The following MACROD2 variants were observed in gnomAD, a reference collection of about 807,000 sequenced individuals.
MACROD2 encodes the protein mono-ADP ribosylhydrolase 2, also known as ADP-ribose glycohydrolase MACROD2.
MACROD2 carries 36 observed loss-of-function variants against 70.4 expected under a neutral mutation model. The observed-to-expected ratio is 0.51, with a 90% CI of 0.39 to 0.68. The LOEUF (loss-of-function observed/expected upper bound fraction) is 0.68. MACROD2 is among the 30% of genes least tolerant of loss of function. The pLI is 0.00. For missense variants in MACROD2, 496 were observed against 538.4 expected, an observed-to-expected ratio of 0.92 and a Z score of 0.78; for synonymous variants, 172 against 178.8, an observed-to-expected ratio of 0.96 and a Z score of 0.30.
intron 5 of MACROD2, among the ~76,000 whole-genome samples, chr20:15,180,531 T>C (rs1889432397): frequency 6.6e-6 from 1 of 152,192 alleles, no homozygotes; most frequent in African/African-American, 2.4e-5. Flanking sequence ...CCTGGAGGAA[T>C]TTCTAGTTCA....
intron 5 of MACROD2, among the ~76,000 whole-genome samples, chr20:15,220,024 T>G (rs574858705): frequency 6.7e-6 from 1 of 148,486 alleles, no homozygotes; most frequent in South Asian, 2.1e-4. Flanking sequence ...AGTCTTTGGA[T>G]AGAATCTCAT....
chr20:15,712,983 C>T (rs762964635), intron 8 of MACROD2, among the ~76,000 whole-genome samples: 1 of 152,150 alleles, frequency 6.6e-6, no homozygotes, highest in Non-Finnish European at 1.5e-5. Context: ...TGGTATCTGG[C>T]CTCTACCTGG....
At chr20:15,570,498 C>A (rs1791902757) in intron 8 of MACROD2, among the ~76,000 whole-genome samples, 1 of 152,132 alleles carries the variant, frequency 6.6e-6, no homozygotes, top group African/African-American at 2.4e-5. Context: ...CCAATTCAAA[C>A]CAGCTCAAGC....
At chr20:14,292,720 C>T (rs1163471496) in intron 3 of MACROD2, among the ~76,000 whole-genome samples, 5 of 151,124 alleles carry the variant, frequency 3.3e-5, no homozygotes, top group South Asian at 4.2e-4. Context: ...CTGCAACCTC[C>T]GCCTCCCAGG....
intron 8 of MACROD2, among the ~76,000 whole-genome samples, chr20:15,669,978 G>A (rs1600735530): frequency 6.6e-6 from 1 of 152,308 alleles, no homozygotes; most frequent in South Asian, 2.1e-4. Flanking sequence ...CAACAGCCTA[G>A]AAGTCAGTAC....
chr20:14,303,587 C>T (rs972146788), intron 3 of MACROD2, among the ~76,000 whole-genome samples: 1 of 152,208 alleles, frequency 6.6e-6, no homozygotes, highest in Non-Finnish European at 1.5e-5. Flanking sequence ...ACTGATTACC[C>T]TCTTTCTGAC....
intron 4 of MACROD2, among the ~76,000 whole-genome samples, chr20:14,515,078 A>G (rs1439170044): frequency 6.6e-6 from 1 of 152,132 alleles, no homozygotes; most frequent in Non-Finnish European, 1.5e-5. Context: ...ATCGTGAAAA[A>G]AGAGCATTCA....
chr20:15,876,091 T>TTATATATATATATA (rs752542911), intron 9 of MACROD2, among the ~76,000 whole-genome samples: 19 of 33,114 alleles, frequency 5.7e-4, no homozygotes, highest in African/African-American at 1.2e-3. Flanking sequence ...TACATGTCTT[T>TTATATATATATATA]TATATATATA....
chr20:14,397,059 ATC>A (rs1160830172), intron 3 of MACROD2, among the ~76,000 whole-genome samples: 2 of 144,852 alleles, frequency 1.4e-5, no homozygotes, highest in Non-Finnish European at 3.0e-5. Flanking sequence ...CAGTGGCGCA[ATC>A]TCGGCTCACT....
chr20:15,087,364 TAC>T (rs1316167852), intron 5 of MACROD2, among the ~76,000 whole-genome samples: 2 of 152,014 alleles, frequency 1.3e-5, no homozygotes, highest in Non-Finnish European at 2.9e-5. Context: ...AGCACACTAG[TAC>T]ACACATCAGT....
At chr20:15,344,007 T>A (rs1479831840) in intron 6 of MACROD2, among the ~76,000 whole-genome samples, 1 of 152,126 alleles carries the variant, frequency 6.6e-6, no homozygotes, top group African/African-American at 2.4e-5. Flanking sequence ...TAGAAAAATG[T>A]GAGAAAGGAG....
intron 5 of MACROD2, among the ~76,000 whole-genome samples, chr20:14,690,027 C>G (rs2123607910): frequency 6.6e-6 from 1 of 151,878 alleles, no homozygotes; most frequent in East Asian, 1.9e-4. Flanking sequence ...CATATATATA[C>G]TACAAAGTCT....
intron 8 of MACROD2, among the ~76,000 whole-genome samples, chr20:15,655,009 TAA>T (rs2049706095): frequency 6.6e-6 from 1 of 152,204 alleles, no homozygotes; most frequent in Non-Finnish European, 1.5e-5. Context: ...CGGACTGCAC[TAA>T]GTCTCGTCTA....
At chr20:14,871,309 A>C (rs947910848) in intron 5 of MACROD2, among the ~76,000 whole-genome samples, 1 of 152,172 alleles carries the variant, frequency 6.6e-6, no homozygotes, top group Non-Finnish European at 1.5e-5. Context: ...TTAGACTAAC[A>C]GTGGACCGCT....
chr20:15,882,263 T>C (rs746042723), intron 9 of MACROD2, among the ~76,000 whole-genome samples: 3 of 152,102 alleles, frequency 2.0e-5, no homozygotes, highest in Admixed American at 2.0e-4. Flanking sequence ...CAGAAGCTTA[T>C]CTCTTCTTCT....
intron 12 of MACROD2, among the ~76,000 whole-genome samples, chr20:15,950,358 GA>G (rs1213003276): frequency 1.3e-5 from 2 of 152,124 alleles, no homozygotes; most frequent in Non-Finnish European, 2.9e-5. Context: ...ACAGCAGCAG[GA>G]CTCTCATAGC....
At chr20:15,862,894 C>A (rs1186932794) in intron 9 of MACROD2, 68 bp downstream of exon 9, 2 of 1,191,768 alleles carry the variant, frequency 1.7e-6, no homozygotes, top group Admixed American at 2.1e-5. Flanking sequence ...CACTTCTATT[C>A]CTATTGTTTT....
chr20:15,461,006 A>ATATATATATATATATATTTTTTTTT, intron 7 of MACROD2, among the ~76,000 whole-genome samples: 12 of 66,998 alleles, frequency 1.8e-4, no homozygotes, highest in Middle Eastern at 8.8e-3. Flanking sequence ...ATATATATAT[A>ATATATATATATATATATTTTTTTTT]TTTTTTTTTA....
chr20:16,011,199 G>T (rs2066858381), intron 15 of MACROD2, among the ~76,000 whole-genome samples: 3 of 152,204 alleles, frequency 2.0e-5, no homozygotes, highest in African/African-American at 4.8e-5. Flanking sequence ...CAATGAAATT[G>T]TGAGACCAAA....
Sources: allele counts gnomAD v4.1 joint callset (sites outside exome capture counted in the v4.1 genomes callset), GRCh38; gene constraint gnomAD v4.1.1; transcripts MANE v1.5; gene names NCBI Gene and HGNC (gene_info 2026-07-23, HGNC 2026-07-21).